Variants in COL24A1 observed in about 807,000 individuals in gnomAD.
COL24A1 encodes collagen type XXIV alpha 1 chain, also known as collagen alpha-1(XXIV) chain.
In COL24A1, 224 loss-of-function variants were observed where a neutral mutation model predicts 253.9. That is an observed-to-expected ratio of 0.88 (90% CI 0.79 to 0.99). COL24A1 has a LOEUF of 0.99. COL24A1 is among the 50% of genes least tolerant of loss of function. COL24A1 has a pLI of 0.00. For synonymous variants in COL24A1, 685 were observed against 673.7 expected, an observed-to-expected ratio of 1.02 and a Z score of -0.26; for missense variants, 2,131 against 2,068.5, an observed-to-expected ratio of 1.03 and a Z score of -0.59.
intron 37 of COL24A1, among the ~76,000 whole-genome samples, chr1:85,856,794 C>T (rs944938326): frequency 1.5e-4 from 23 of 152,152 alleles, no homozygotes; most frequent in African/African-American, 4.6e-4. Flanking sequence ...GGTGTCTGTA[C>T]GCCCAAAGGC....
At chr1:86,133,453 G>C (rs537667043) in intron 2 of COL24A1, among the ~76,000 whole-genome samples, 49 of 152,238 alleles carry the variant, frequency 3.2e-4, no homozygotes, top group African/African-American at 1.2e-3. Context: ...AATGCTTCCA[G>C]TTTTTCCCAT....
chr1:85,774,985 C>T (rs1282682947), intron 53 of COL24A1, among the ~76,000 whole-genome samples: 10 of 152,126 alleles, frequency 6.6e-5, no homozygotes, highest in Non-Finnish European at 1.5e-4. Flanking sequence ...TTAGATCTTT[C>T]CTGCTTTCTC....
chr1:85,917,047 C>T (rs1455170557), intron 24 of COL24A1, among the ~76,000 whole-genome samples: 1 of 152,142 alleles, frequency 6.6e-6, no homozygotes, highest in African/African-American at 2.4e-5. Flanking sequence ...ATAAAGAAAA[C>T]TCTTGAATGA....
At chr1:85,763,113 A>C (rs1666997912) in intron 53 of COL24A1, among the ~76,000 whole-genome samples, 1 of 152,062 alleles carries the variant, frequency 6.6e-6, no homozygotes, top group Admixed American at 6.6e-5. Flanking sequence ...TTCACTGTCT[A>C]TTCTATATAA....
At chr1:86,010,003 A>C (rs897719144) in intron 19 of COL24A1, among the ~76,000 whole-genome samples, 1 of 152,204 alleles carries the variant, frequency 6.6e-6, no homozygotes, top group African/African-American at 2.4e-5. Context: ...GAGAAAACTG[A>C]TTAGCCATTT....
At chr1:86,154,035 CA>C (rs2102470820) in intron 1 of COL24A1, 1 of 152,248 alleles carries the variant, frequency 6.6e-6, no homozygotes, top group African/African-American at 2.4e-5. Context: ...TCTTACAAAA[CA>C]TCACCACAAA....
At chr1:86,047,098 C>T (rs1437498489) in intron 11 of COL24A1, among the ~76,000 whole-genome samples, 6 of 152,212 alleles carry the variant, frequency 3.9e-5, no homozygotes, top group African/African-American at 1.2e-4. Context: ...CCCATCTATA[C>T]TTCCAAATGG....
At chr1:85,783,471 G>A in intron 51 of COL24A1, 25 bp downstream of exon 51, 1 of 1,606,334 alleles carries the variant, frequency 6.2e-7, no homozygotes, top group Non-Finnish European at 8.5e-7. Context: ...ACAATTTCTG[G>A]TAGGCAGAAT....
At chr1:85,761,463 T>C (rs777103785) in intron 54 of COL24A1, 41 bp from the exon 55 acceptor site, 3 of 1,613,790 alleles carry the variant, frequency 1.9e-6, no homozygotes, top group South Asian at 1.1e-5. Flanking sequence ...ATTTATTTAG[T>C]AGACATCTTA....
At position 85,782,440 on chromosome 1, in the gene COL24A1, C is replaced by T. The variant is rs530623243; in HGVS notation, c.4284+1056G>A. On this transcript the variant is annotated intron_variant, in intron 51 of 59. Transcript: ENST00000370571. The stretch of plus-strand genomic sequence containing the variant: ...TAAGTTTTAGGGTACATGTGCACAA[C>T]GTGCAGGTTAGTTACATAAGTATGA... 3.3e-5 allele frequency among the ~76,000 whole-genome samples: 5 copies of T among 152,144 alleles called. No homozygotes were observed. The East Asian group carries it at 5.8e-4, about 18-fold the overall frequency.
intron 20 of COL24A1, among the ~76,000 whole-genome samples, chr1:85,982,316 G>A (rs559542336): frequency 6.6e-6 from 1 of 152,188 alleles, no homozygotes; most frequent in East Asian, 1.9e-4. Flanking sequence ...TTTCAGTCAT[G>A]TAAAATGAGA....
At chr1:86,108,979 C>G (rs1705282883) in intron 5 of COL24A1, among the ~76,000 whole-genome samples, 1 of 152,194 alleles carries the variant, frequency 6.6e-6, no homozygotes, top group South Asian at 2.1e-4. Context: ...TACTTTTGCA[C>G]CAACCTAGAA....
intron 20 of COL24A1, among the ~76,000 whole-genome samples, chr1:85,982,545 T>C (rs929078812): frequency 2.6e-5 from 4 of 151,896 alleles, no homozygotes; most frequent in African/African-American, 9.7e-5. Flanking sequence ...CCAGTGTTCA[T>C]TTTGTATCTC....
intron 53 of COL24A1, 55 bp downstream of exon 53, chr1:85,775,619 G>C: frequency 7.1e-7 from 1 of 1,416,206 alleles, no homozygotes; most frequent in Non-Finnish European, 9.8e-7. Context: ...TTGCTTTCAT[G>C]GAGCTTATAG....
At chr1:86,110,824 C>T (rs1040558357) in intron 5 of COL24A1, among the ~76,000 whole-genome samples, 2 of 151,980 alleles carry the variant, frequency 1.3e-5, no homozygotes, top group African/African-American at 4.8e-5. Context: ...CGACCCCCGC[C>T]CCCCACACCC....
At chr1:86,044,355 T>C (rs990341202) in intron 12 of COL24A1, among the ~76,000 whole-genome samples, 2 of 152,288 alleles carry the variant, frequency 1.3e-5, no homozygotes, top group Non-Finnish European at 2.9e-5. Flanking sequence ...TATAACTGTA[T>C]TTTATTCTAA....
intron 32 of COL24A1, among the ~76,000 whole-genome samples, chr1:85,884,843 T>C (rs975659014): frequency 3.3e-5 from 5 of 152,148 alleles, no homozygotes; most frequent in Non-Finnish European, 5.9e-5. Flanking sequence ...AGAGGGAATT[T>C]TTCTCTATCT....
intron 14 of COL24A1, among the ~76,000 whole-genome samples, chr1:86,024,815 G>A (rs1447950564): frequency 1.3e-5 from 2 of 152,030 alleles, no homozygotes; most frequent in Non-Finnish European, 2.9e-5. Context: ...AGTATGGAAA[G>A]GACTATCTTA....
Position 86,156,411 on chromosome 1 carries a change from C to T in COL24A1, c.-15G>A, listed in dbSNP as rs755484150. 2.5e-6 allele frequency: 4 copies of T among 1,610,052 alleles called. No homozygotes were observed. The highest frequency in any genetic ancestry group is 1.7e-6 in the Non-Finnish European group (2 of 1,178,052). Reference sequence around the variant, plus strand: ...CTTAAATGCATTTGTATGCATTTGTCCGTGCAGCAAAGCGCTAACGGAAAA... The same window carrying T: ...CTTAAATGCATTTGTATGCATTTGTTCGTGCAGCAAAGCGCTAACGGAAAA... On this transcript the variant is annotated 5_prime_UTR_variant, in exon 1 of 60. Transcript: ENST00000370571.
Sources: allele counts gnomAD v4.1 joint callset (sites outside exome capture counted in the v4.1 genomes callset), GRCh38; gene constraint gnomAD v4.1.1; transcripts MANE v1.5; gene names NCBI Gene and HGNC (gene_info 2026-07-23, HGNC 2026-07-21).